NCOA2: variants seen among roughly 807,000 people sequenced by gnomAD.
NCOA2 encodes class E basic helix-loop-helix protein 75.
In NCOA2, 21 loss-of-function variants were observed where a neutral mutation model predicts 145.1. The observed-to-expected ratio is 0.14, with a 90% confidence interval of 0.10 to 0.21. The LOEUF (loss-of-function observed/expected upper bound fraction) is 0.21, where lower values mean the gene tolerates loss of function less well. Among genes scored for constraint, NCOA2 ranks in the 10% least tolerant of loss-of-function variants. The probability of loss-of-function intolerance (pLI) is 1.00; values close to 1 mark genes in which losing one functional copy is unlikely to be tolerated. For missense variants in NCOA2, 1,472 were observed against 1,837.6 expected, an observed-to-expected ratio of 0.80 and a Z score of 3.64; for synonymous variants, 619 against 637.5, an observed-to-expected ratio of 0.97 and a Z score of 0.44.
rs1311890496 is a variant in NCOA2 at position 70,123,986 on chromosome 8, G to T, written c.4191C>A (p.Asn1397Lys). 6.2e-7 allele frequency: 1 copy of T among 1,613,984 alleles called. No individual in the cohort carries two copies. Among genetic ancestry groups the T allele is most frequent in the Non-Finnish European group, 8.5e-7 (1 of 1,179,880 alleles). ...NMNINVSMAT[N>K]TGGMSSMNQM... ...GGTTCATGCTGCTCATGCCACCTGT[G>T]TTGGTCGCCATGGACACATTGATGT... The change falls in exon 21 of 23, where the codon AAC becomes AAA. Residue 1397 changes from asparagine to lysine, a missense_variant. This residue lies in a region of NCOA2 where 232 missense variants were observed against 290.6 expected (regional missense o/e 0.80). Coordinates refer to ENST00000452400, the MANE Select transcript of NCOA2 (RefSeq NM_006540.4).
chr8:70,223,218 G>A (rs1820316893), intron 2 of NCOA2, among the ~76,000 whole-genome samples: 1 of 152,166 alleles, frequency 6.6e-6, no homozygotes, highest in Non-Finnish European at 1.5e-5. Flanking sequence ...TAGCACTTGT[G>A]TTTGAGTTTC....
intron 4 of NCOA2, among the ~76,000 whole-genome samples, chr8:70,211,415 C>T (rs532815302): frequency 8.0e-5 from 12 of 150,790 alleles, no homozygotes; most frequent in East Asian, 1.9e-4. Flanking sequence ...GCTGAGATCG[C>T]GCCACTGCAC....
At chr8:70,326,450 C>CACAT (rs397937133) in intron 1 of NCOA2, among the ~76,000 whole-genome samples, 4 of 144,530 alleles carry the variant, frequency 2.8e-5, no homozygotes, top group African/African-American at 5.1e-5. Flanking sequence ...CACACACACA[C>CACAT]GTGCACACAC....
intron 1 of NCOA2, among the ~76,000 whole-genome samples, chr8:70,306,197 A>G (rs1827875805): frequency 6.6e-6 from 1 of 152,210 alleles, no homozygotes; most frequent in South Asian, 2.1e-4. Flanking sequence ...CTTAGAAATC[A>G]CGTTTCAACT....
intron 2 of NCOA2, among the ~76,000 whole-genome samples, chr8:70,256,073 C>T (rs1302617147): frequency 1.3e-5 from 2 of 152,144 alleles, no homozygotes; most frequent in African/African-American, 2.4e-5. Flanking sequence ...ACAGAATTAA[C>T]GAACTGAGAG....
At chr8:70,298,298 G>C (rs1395123458) in intron 1 of NCOA2, among the ~76,000 whole-genome samples, 1 of 152,168 alleles carries the variant, frequency 6.6e-6, no homozygotes, top group African/African-American at 2.4e-5. Context: ...CTACAGGGGA[G>C]AGAAACAGAA....
At chr8:70,122,034 T>C (rs1360277142) in intron 21 of NCOA2, among the ~76,000 whole-genome samples, 1 of 152,214 alleles carries the variant, frequency 6.6e-6, no homozygotes, top group East Asian at 1.9e-4. Context: ...ACAATCTGGA[T>C]TGTTAAAAAT....
At chr8:70,412,661 A>C in the NCOA2 span, among the ~76,000 whole-genome samples, 6 of 149,298 alleles carry the variant, frequency 4.0e-5, no homozygotes, top group African/African-American at 7.3e-5. Flanking sequence ...AAAAAAAAAA[A>C]AAAAAAAAAA....
At chr8:70,323,103 G>A (rs1806224028) in intron 1 of NCOA2, among the ~76,000 whole-genome samples, 1 of 152,154 alleles carries the variant, frequency 6.6e-6, no homozygotes, top group Non-Finnish European at 1.5e-5. Flanking sequence ...AAACTACTCT[G>A]GCTATGCTAA....
intron 1 of NCOA2, among the ~76,000 whole-genome samples, chr8:70,393,147 C>T (rs1813352755): frequency 6.6e-6 from 1 of 152,176 alleles, no homozygotes; most frequent in African/African-American, 2.4e-5. Context: ...CTTCCCTTGC[C>T]TTAGGACTAC....
At chr8:70,366,213 G>A (rs2131141147) in intron 1 of NCOA2, among the ~76,000 whole-genome samples, 1 of 152,238 alleles carries the variant, frequency 6.6e-6, no homozygotes, top group East Asian at 1.9e-4. Flanking sequence ...CAAGGCTCTT[G>A]TGACCACATT....
At chr8:70,217,487 C>T (rs1819735289) in intron 2 of NCOA2, among the ~76,000 whole-genome samples, 1 of 152,044 alleles carries the variant, frequency 6.6e-6, no homozygotes, top group South Asian at 2.1e-4. Flanking sequence ...TCCAAACTTT[C>T]CTTCCCTCAG....
At chr8:70,403,431 C>T (rs1453674803) in intron 1 of NCOA2, among the ~76,000 whole-genome samples, 2 of 151,572 alleles carry the variant, frequency 1.3e-5, no homozygotes, top group African/African-American at 4.8e-5. Flanking sequence ...CCTTTCTCTC[C>T]CGGGGACTCC....
At chr8:70,117,815 T>A (rs1934186222) in intron 22 of NCOA2, among the ~76,000 whole-genome samples, 1 of 152,242 alleles carries the variant, frequency 6.6e-6, no homozygotes, top group Admixed American at 6.5e-5. Flanking sequence ...TGAGGGAATC[T>A]AAACAAAACT....
chr8:70,215,164 C>T (rs147559258), intron 3 of NCOA2, among the ~76,000 whole-genome samples: 2 of 152,154 alleles, frequency 1.3e-5, no homozygotes, highest in African/African-American at 4.8e-5. Context: ...GTTTTTACAG[C>T]AAAAGGTAAA....
chr8:70,148,188 G>T, intron 12 of NCOA2, 85 bp downstream of exon 12: 1 of 1,330,040 alleles, frequency 7.5e-7, no homozygotes, highest in Non-Finnish European at 1.1e-6. Flanking sequence ...TGACTAAGCT[G>T]GTTGCATCAG....
In NCOA2 at chr8:70,156,259, G is replaced by A; in HGVS notation, c.2106C>T (p.Asp702=). ...TGGCTTCTGCTGTTAACTTGGCCAA[G>A]TCCACAGGGGAACTGCTGTCCTGCA... ...RLLQDSSSPV[D]LAKLTAEATG... is the part of the protein sequence containing the mutation. The change falls in exon 11 of 23, where the codon GAC becomes GAT. Residue 702 remains aspartate, a synonymous_variant. Transcript: ENST00000452400. The A allele has an allele frequency of 6.2e-7, 1 of 1,613,950 alleles. No individual in the cohort carries two copies. The highest frequency in any genetic ancestry group is 8.5e-7 in the Non-Finnish European group (1 of 1,179,882).
rs552364370 is a variant in NCOA2 at position 70,367,477 on chromosome 8, C to T, written c.-77+36223G>A. Among the ~76,000 whole-genome samples the T allele has an allele frequency of 7.9e-5, 12 of 152,120 alleles. No individual in the cohort carries two copies. In the East Asian group the frequency reaches 1.7e-3, roughly 22 times the overall value. ...GACTACCAACAGAGTAATAGTTACA[C>T]CAATAACATATATAAATAGGACTGC... On this transcript the variant is annotated intron_variant, in intron 1 of 22. Coordinates refer to ENST00000452400, the MANE Select transcript of NCOA2 (RefSeq NM_006540.4).
chr8:70,335,390 T>C (rs1807498815), intron 1 of NCOA2, among the ~76,000 whole-genome samples: 1 of 152,178 alleles, frequency 6.6e-6, no homozygotes. Flanking sequence ...AGCAACACAC[T>C]ACAACAGCTA....
Sources: allele counts gnomAD v4.1 joint callset (sites outside exome capture counted in the v4.1 genomes callset), GRCh38; gene constraint gnomAD v4.1.1; regional missense constraint gnomAD v4.1.1; transcripts MANE v1.5; gene names NCBI Gene and HGNC (gene_info 2026-07-23, HGNC 2026-07-21).